Variants in MCC observed in about 807,000 individuals in gnomAD.
The protein encoded by MCC is MCC regulator of Wnt signaling pathway, also known as colorectal mutant cancer protein.
A neutral mutation model predicts 116.2 loss-of-function variants in MCC; 90 were observed. That is an observed-to-expected ratio of 0.77 (90% CI 0.65 to 0.92). The LOEUF (loss-of-function observed/expected upper bound fraction) is 0.92. Ranked by LOEUF, MCC falls within the 40% of genes least tolerant of loss-of-function variation. MCC has a pLI of 0.00. For missense variants in MCC, 1,516 were observed against 1,312.2 expected, an observed-to-expected ratio of 1.16 and a Z score of -2.40; for synonymous variants, 578 against 510.5, an observed-to-expected ratio of 1.13 and a Z score of -1.78.
At chr5:113,079,603 A>G (rs1039224414) in intron 11 of MCC, among the ~76,000 whole-genome samples, 2 of 152,270 alleles carry the variant, frequency 1.3e-5, no homozygotes, top group African/African-American at 4.8e-5. Context: ...CTGGCTAGCC[A>G]TATGTAGAAA....
At chr5:113,247,506 C>G (rs1356809064) in intron 3 of MCC, among the ~76,000 whole-genome samples, 1 of 152,170 alleles carries the variant, frequency 6.6e-6, no homozygotes, top group African/African-American at 2.4e-5. Context: ...AAGATTTCTA[C>G]TGGTAGAAAT....
At chr5:113,144,989 C>T (rs1759406330) in intron 4 of MCC, among the ~76,000 whole-genome samples, 1 of 152,206 alleles carries the variant, frequency 6.6e-6, no homozygotes, top group Non-Finnish European at 1.5e-5. Context: ...GCCACAGACA[C>T]TCTTTCCATG....
At chr5:113,141,560 CA>C (rs775121945) in intron 5 of MCC, among the ~76,000 whole-genome samples, 37 of 152,294 alleles carry the variant, frequency 2.4e-4, no homozygotes, top group Non-Finnish European at 4.1e-4. Context: ...CTCAGGAGCT[CA>C]GAGGACAAGG....
chr5:113,411,547 A>T (rs1346861417), intron 1 of MCC, among the ~76,000 whole-genome samples: 1 of 148,806 alleles, frequency 6.7e-6, no homozygotes, highest in Non-Finnish European at 1.5e-5. Flanking sequence ...ATTCTCTCTA[A>T]GTTTCAGGAG....
At chr5:113,195,567 G>A (rs1762363056) in intron 3 of MCC, among the ~76,000 whole-genome samples, 1 of 152,004 alleles carries the variant, frequency 6.6e-6, no homozygotes. Context: ...GAGATCACCA[G>A]GACTCTGCAA....
intron 3 of MCC, among the ~76,000 whole-genome samples, chr5:113,231,530 A>G (rs976989330): frequency 6.6e-6 from 1 of 152,212 alleles, no homozygotes; most frequent in African/African-American, 2.4e-5. Context: ...TGTTTCACCC[A>G]TTAGTCATGG....
chr5:113,320,282 GT>G (rs1767386809), intron 3 of MCC, among the ~76,000 whole-genome samples: 1 of 151,908 alleles, frequency 6.6e-6, no homozygotes, highest in Admixed American at 6.6e-5. Context: ...ACAATTAGTT[GT>G]TTGTTTTTAA....
At chr5:113,167,726 G>A (rs532270039) in intron 3 of MCC, among the ~76,000 whole-genome samples, 1 of 152,166 alleles carries the variant, frequency 6.6e-6, no homozygotes, top group South Asian at 2.1e-4. Context: ...GACCTTATAG[G>A]CTCAAGCAAT....
chr5:113,044,926 C>T (rs1309811179), intron 16 of MCC, among the ~76,000 whole-genome samples: 5 of 152,164 alleles, frequency 3.3e-5, no homozygotes, highest in East Asian at 3.9e-4. Context: ...GAATTCAGTG[C>T]TGCAAGTCCA....
At chr5:113,352,009 T>C (rs1475313472) in intron 2 of MCC, among the ~76,000 whole-genome samples, 5 of 152,180 alleles carry the variant, frequency 3.3e-5, no homozygotes, top group Admixed American at 3.3e-4. Context: ...ATTATTACCA[T>C]AACAATTTTT....
chr5:113,455,881 G>A (rs558874550), intron 1 of MCC, among the ~76,000 whole-genome samples: 32 of 152,232 alleles, frequency 2.1e-4, no homozygotes, highest in African/African-American at 6.0e-4. Flanking sequence ...AAAGAAGAAC[G>A]GACCTGCACA....
intron 3 of MCC, among the ~76,000 whole-genome samples, chr5:113,279,833 T>C (rs1765967976): frequency 6.6e-6 from 1 of 152,238 alleles, no homozygotes; most frequent in South Asian, 2.1e-4. Context: ...AGTTTTGTTG[T>C]ATTAAAGGCA....
chr5:113,469,522 G>A (rs1389108040), intron 1 of MCC, among the ~76,000 whole-genome samples: 1 of 152,134 alleles, frequency 6.6e-6, no homozygotes, highest in African/African-American at 2.4e-5. Flanking sequence ...CTGAGTTCTA[G>A]TTTGATTGCA....
chr5:113,377,108 T>G (rs10077495), intron 2 of MCC, among the ~76,000 whole-genome samples: 4,049 of 152,310 alleles, frequency 0.027, 186 homozygotes, highest in African/African-American at 0.092. Context: ...TGATGACATT[T>G]GATCCTTTGA....
intron 3 of MCC, among the ~76,000 whole-genome samples, chr5:113,209,073 C>T (rs2150322689): frequency 6.6e-6 from 1 of 152,282 alleles, no homozygotes; most frequent in East Asian, 1.9e-4. Flanking sequence ...TACATCATCT[C>T]TCACAACCAG....
chr5:113,150,478 A>G (rs10068491), intron 4 of MCC, among the ~76,000 whole-genome samples: 43,783 of 151,954 alleles, frequency 0.29, 6,473 homozygotes, highest in South Asian at 0.38. Context: ...AAAATAAACT[A>G]AAAGACATGA....
At chr5:113,119,738 T>C (rs1202086014) in intron 6 of MCC, among the ~76,000 whole-genome samples, 3 of 151,690 alleles carry the variant, frequency 2.0e-5, no homozygotes, top group African/African-American at 7.3e-5. Flanking sequence ...GCAGAGAACA[T>C]GTGTCAACAC....
At chr5:113,046,515 T>C (rs1752083938) in intron 16 of MCC, among the ~76,000 whole-genome samples, 1 of 151,666 alleles carries the variant, frequency 6.6e-6, no homozygotes, top group African/African-American at 2.4e-5. Context: ...TTGAAGCCAC[T>C]CCACATAACA....
intron 3 of MCC, chr5:113,269,087 G>T: frequency 1.2e-6 from 1 of 802,080 alleles, no homozygotes; most frequent in Non-Finnish European, 1.5e-6. Context: ...AATATTTGAT[G>T]GAGAAGACAG....
Sources: allele counts gnomAD v4.1 joint callset (sites outside exome capture counted in the v4.1 genomes callset), GRCh38; gene constraint gnomAD v4.1.1; transcripts MANE v1.5; gene names NCBI Gene and HGNC (gene_info 2026-07-23, HGNC 2026-07-21).